GLRA2: variants seen among roughly 807,000 people sequenced by gnomAD.
GLRA2 encodes glycine receptor alpha 2, also known as glycine receptor subunit alpha-2.
Under a neutral mutation model 31.6 loss-of-function variants are expected in GLRA2, and 11 were observed. The observed-to-expected ratio is 0.35, with a 90% CI of 0.22 to 0.58. The LOEUF is 0.58. GLRA2 is among the 20% of genes least tolerant of loss of function. The pLI is 0.84. For missense variants in GLRA2, 212 were observed against 351.8 expected, an observed-to-expected ratio of 0.60 and a Z score of 3.18; for synonymous variants, 132 against 134.0, an observed-to-expected ratio of 0.99 and a Z score of 0.10.
intron 2 of GLRA2, among the ~76,000 whole-genome samples, chrX:14,554,978 GT>G (rs1023505522): frequency 5.4e-5 from 6 of 110,793 alleles, no homozygotes; most frequent in African/African-American, 2.0e-4. Context: ...ACAATGTATA[GT>G]TTTTTACTGA....
At chrX:14,710,457 T>C (rs975745363) in intron 8 of GLRA2, among the ~76,000 whole-genome samples, 3 of 112,128 alleles carry the variant, frequency 2.7e-5, no homozygotes, top group African/African-American at 9.7e-5. Flanking sequence ...ATTTACATAA[T>C]GTGAGGTAAC....
At chrX:14,706,607 T>A (rs1227593800) in intron 8 of GLRA2, among the ~76,000 whole-genome samples, 1 of 111,831 alleles carries the variant, frequency 8.9e-6, no homozygotes, top group Non-Finnish European at 1.9e-5. Flanking sequence ...CTAAGTAGCC[T>A]AGGATTATCA....
chrX:14,495,626 CACAT>C, the GLRA2 span, among the ~76,000 whole-genome samples: 2 of 108,355 alleles, frequency 1.8e-5, no homozygotes, highest in African/African-American at 6.7e-5. Context: ...TATGTATGTA[CACAT>C]ACATATATAC....
intron 7 of GLRA2, among the ~76,000 whole-genome samples, chrX:14,624,279 G>T (rs1287782964): frequency 9.0e-6 from 1 of 110,772 alleles, no homozygotes; most frequent in East Asian, 2.8e-4. Flanking sequence ...TATCTGTTTT[G>T]TTGATCTTTT....
the GLRA2 span, among the ~76,000 whole-genome samples, chrX:14,451,702 C>G: frequency 9.9e-6 from 1 of 101,365 alleles, no homozygotes; most frequent in Non-Finnish European, 2.0e-5. Flanking sequence ...AAACCGAGAC[C>G]TAACTATATG....
intron 3 of GLRA2, among the ~76,000 whole-genome samples, chrX:14,576,064 TAAAA>T (rs76368177): frequency 1.1e-5 from 1 of 88,502 alleles, no homozygotes; most frequent in African/African-American, 4.2e-5. Context: ...CATTGAGAAG[TAAAA>T]AAAAAAAAAA....
At chrX:14,594,949 A>C (rs913174063) in intron 4 of GLRA2, among the ~76,000 whole-genome samples, 1 of 109,820 alleles carries the variant, frequency 9.1e-6, no homozygotes, top group African/African-American at 3.3e-5. Context: ...GGAAAAAAAA[A>C]AAAAAAAAAA....
the GLRA2 span, among the ~76,000 whole-genome samples, chrX:14,479,572 C>T: frequency 9.0e-6 from 1 of 111,242 alleles, no homozygotes; most frequent in African/African-American, 3.3e-5. Flanking sequence ...TCTATTGTTG[C>T]CATCTTTATG....
At chrX:14,664,147 G>A (rs2091017434) in intron 7 of GLRA2, among the ~76,000 whole-genome samples, 1 of 110,948 alleles carries the variant, frequency 9.0e-6, no homozygotes, top group African/African-American at 3.3e-5. Flanking sequence ...CTCATTCTGA[G>A]TATGTCTCTA....
At chrX:14,712,663 T>C (rs1023152036) in intron 8 of GLRA2, among the ~76,000 whole-genome samples, 2 of 102,014 alleles carry the variant, frequency 2.0e-5, no homozygotes, top group African/African-American at 7.4e-5. Context: ...TTAGGCTTTA[T>C]ATGAATGTGG....
chrX:14,536,129 G>A (rs5935765), intron 2 of GLRA2, among the ~76,000 whole-genome samples: 22,424 of 111,259 alleles, frequency 0.2, 2,228 homozygotes, highest in Non-Finnish European at 0.31. Flanking sequence ...GTTAGAAAGT[G>A]TAATGTGTGA....
the GLRA2 span, among the ~76,000 whole-genome samples, chrX:14,472,367 T>C: frequency 1.8e-5 from 2 of 112,041 alleles, no homozygotes; most frequent in East Asian, 2.8e-4. Context: ...TCTTTTTTTT[T>C]CCAACTTTTA....
chrX:14,683,552 T>C (rs2091241101), intron 7 of GLRA2, among the ~76,000 whole-genome samples: 1 of 111,668 alleles, frequency 9.0e-6, no homozygotes, highest in African/African-American at 3.3e-5. Flanking sequence ...TTTAGTTTAA[T>C]TAGATCCCAT....
intron 7 of GLRA2, among the ~76,000 whole-genome samples, chrX:14,672,458 T>C (rs753342399): frequency 1.8e-5 from 2 of 112,644 alleles, no homozygotes; most frequent in South Asian, 3.7e-4. Context: ...CATCTACTTA[T>C]GTCATTTTAC....
the GLRA2 span, among the ~76,000 whole-genome samples, chrX:14,470,823 A>T: frequency 4.5e-5 from 5 of 112,034 alleles, no homozygotes; most frequent in Non-Finnish European, 9.4e-5. Context: ...AGCCTACCTT[A>T]TAAAGTGTTA....
intron 2 of GLRA2, among the ~76,000 whole-genome samples, chrX:14,551,837 A>C (rs2089569789): frequency 9.0e-6 from 1 of 111,490 alleles, no homozygotes; most frequent in Admixed American, 9.5e-5. Flanking sequence ...TTCTCTTATT[A>C]CTTTCCAACA....
At chrX:14,576,935 C>T (rs112992790) in intron 3 of GLRA2, among the ~76,000 whole-genome samples, 2 of 112,856 alleles carry the variant, frequency 1.8e-5, no homozygotes, top group African/African-American at 6.4e-5. Context: ...ATGACAAACT[C>T]CATTTGCTTT....
intron 7 of GLRA2, among the ~76,000 whole-genome samples, chrX:14,670,658 G>A (rs2091082653): frequency 3.6e-5 from 4 of 110,788 alleles, no homozygotes; most frequent in Non-Finnish European, 3.8e-5. Flanking sequence ...ACAACAGCAC[G>A]GGAAAGACCT....
chrX:14,545,759 G>A (rs61616885), intron 2 of GLRA2, among the ~76,000 whole-genome samples: 27 of 111,029 alleles, frequency 2.4e-4, no homozygotes, highest in African/African-American at 8.5e-4. Context: ...AGGGACAGAC[G>A]GTGTCATTAG....
Sources: allele counts gnomAD v4.1 joint callset (sites outside exome capture counted in the v4.1 genomes callset), GRCh38; gene constraint gnomAD v4.1.1; transcripts MANE v1.5; gene names NCBI Gene and HGNC (gene_info 2026-07-23, HGNC 2026-07-21).